EDA: variants seen among roughly 807,000 people sequenced by gnomAD.
The protein encoded by EDA is ectodysplasin A.
A neutral mutation model predicts 23.6 loss-of-function variants in EDA; 2 were observed. The ratio of observed to expected loss-of-function variants is 0.08; its 90% CI spans 0.03 to 0.27. The LOEUF (loss-of-function observed/expected upper bound fraction) is 0.27, where lower values mean the gene tolerates loss of function less well. Among genes scored for constraint, EDA ranks in the 10% least tolerant of loss-of-function variants. The probability of loss-of-function intolerance (pLI) is 1.00; values close to 1 mark genes in which losing one functional copy is unlikely to be tolerated. For synonymous variants in EDA, 131 were observed against 132.0 expected, an observed-to-expected ratio of 0.99 and a Z score of 0.05; for missense variants, 229 against 324.2, an observed-to-expected ratio of 0.71 and a Z score of 2.26.
intron 1 of EDA, among the ~76,000 whole-genome samples, chrX:69,793,564 G>GTTTTTTTTTTTTTTT (rs1362047098): frequency 3.0e-5 from 1 of 32,897 alleles, no homozygotes; most frequent in Non-Finnish European, 4.9e-5. Context: ...TTGTTTGTTT[G>GTTTTTTTTTTTTTTT]TTTTTGTTTT....
chrX:69,796,164 A>G (rs1215642180), intron 1 of EDA, among the ~76,000 whole-genome samples: 1 of 112,073 alleles, frequency 8.9e-6, no homozygotes, highest in Non-Finnish European at 1.9e-5. Context: ...TGCCACTGAC[A>G]TCGCCTAAGC....
intron 1 of EDA, among the ~76,000 whole-genome samples, chrX:69,677,544 CGTT>C (rs201820492): frequency 0.013 from 1,503 of 111,997 alleles, 20 homozygotes; most frequent in African/African-American, 0.044. Flanking sequence ...GATGGTATCT[CGTT>C]GTGGTTTTGA....
chrX:69,844,270 A>G (rs2016961167), intron 1 of EDA, among the ~76,000 whole-genome samples: 1 of 112,167 alleles, frequency 8.9e-6, no homozygotes, highest in Admixed American at 9.4e-5. Flanking sequence ...CCTTTGAAAG[A>G]CAGGCTCTGA....
intron 1 of EDA, among the ~76,000 whole-genome samples, chrX:69,712,996 A>G (rs185330516): frequency 2.0e-5 from 2 of 101,951 alleles, no homozygotes; most frequent in East Asian, 6.5e-4. Context: ...TCTCACTCAT[A>G]GGTGGGAATT....
chrX:69,699,945 A>G (rs2011486972), intron 1 of EDA, among the ~76,000 whole-genome samples: 2 of 110,754 alleles, frequency 1.8e-5, no homozygotes, highest in South Asian at 3.9e-4. Flanking sequence ...CGCTAGTCCT[A>G]GAAAAGAGAT....
At chrX:69,754,282 A>C (rs1466252411) in intron 1 of EDA, among the ~76,000 whole-genome samples, 2 of 111,000 alleles carry the variant, frequency 1.8e-5, no homozygotes, top group Non-Finnish European at 3.8e-5. Flanking sequence ...CAAAATCAGC[A>C]TTTGTTTGTC....
intron 1 of EDA, among the ~76,000 whole-genome samples, chrX:69,856,573 G>A (rs1448468761): frequency 9.0e-6 from 1 of 110,559 alleles, no homozygotes; most frequent in African/African-American, 3.3e-5. Context: ...GTAGTGAGGT[G>A]GTATCACCTG....
chrX:70,028,572 T>C (rs1462008239), intron 4 of EDA, among the ~76,000 whole-genome samples: 1 of 112,459 alleles, frequency 8.9e-6, no homozygotes, highest in Admixed American at 9.4e-5. Context: ...AGTTAGAAAC[T>C]TAAGAGTCAC....
chrX:69,929,297 G>A (rs966452756), intron 1 of EDA, among the ~76,000 whole-genome samples: 1 of 111,495 alleles, frequency 9.0e-6, no homozygotes, highest in East Asian at 2.8e-4. Context: ...ACCCCAGCAA[G>A]ATACTGTACA....
Position 69,890,181 on chromosome X carries a change from G to A in EDA, c.397-66846G>A, listed in dbSNP as rs758256223. 7.6e-4 allele frequency among the ~76,000 whole-genome samples: 84 copies of A among 110,734 alleles called. 1 individual carries two copies. Among genetic ancestry groups the A allele is most frequent in the African/African-American group, 2.7e-3 (82 of 30,481 alleles). ...ATTCAGCTAACAAGGGAAGTGAAGG[G>A]CCTATTCAAGGAACACTACAAACCA... On this transcript the variant is annotated intron_variant, in intron 1 of 7. Coordinates refer to ENST00000374552, the MANE Select transcript of EDA (RefSeq NM_001399.5).
chrX:69,788,626 A>G (rs1471207038), intron 1 of EDA, among the ~76,000 whole-genome samples: 1 of 112,340 alleles, frequency 8.9e-6, no homozygotes, highest in African/African-American at 3.2e-5. Context: ...TCAGGGAGCC[A>G]CTTGAGGAGG....
intron 1 of EDA, among the ~76,000 whole-genome samples, chrX:69,815,245 A>C (rs1257250758): frequency 8.9e-6 from 1 of 111,886 alleles, no homozygotes; most frequent in Non-Finnish European, 1.9e-5. Flanking sequence ...CAGATGTTCC[A>C]GAGGAGGAGA....
chrX:69,951,676 T>C (rs1407614562), intron 1 of EDA, among the ~76,000 whole-genome samples: 1 of 111,619 alleles, frequency 9.0e-6, no homozygotes, highest in Admixed American at 9.5e-5. Flanking sequence ...CAAATAATTT[T>C]GTGGGTTTAG....
chrX:69,678,153 A>T (rs1200015691), intron 1 of EDA, among the ~76,000 whole-genome samples: 1 of 110,831 alleles, frequency 9.0e-6, no homozygotes, highest in Non-Finnish European at 1.9e-5. Flanking sequence ...GTTATTCCTG[A>T]GGGCTCTGTT....
Position 69,766,561 on chromosome X carries a change from C to T in EDA, c.396+149857C>T, listed in dbSNP as rs769624055. ...TGTAGTATTTGGTTTTCTGCTCCTG[C>T]GTTAGTTTGCTAAGGATAATGGCTT... On this transcript the variant is annotated intron_variant, in intron 1 of 7. Transcript: ENST00000374552. 4.5e-5 allele frequency among the ~76,000 whole-genome samples: 5 copies of T among 111,679 alleles called. No homozygotes were observed. In the South Asian group the frequency reaches 1.5e-3, roughly 34 times the overall value.
chrX:69,741,955 T>C (rs769962641), intron 1 of EDA, among the ~76,000 whole-genome samples: 70 of 112,182 alleles, frequency 6.2e-4, no homozygotes, highest in Non-Finnish European at 2.6e-4. Context: ...TCTGTTCTTA[T>C]GGTCTTCCTG....
intron 2 of EDA, among the ~76,000 whole-genome samples, chrX:70,022,132 GA>G (rs1415629620): frequency 4.8e-5 from 5 of 104,985 alleles, no homozygotes; most frequent in South Asian, 8.4e-4. Flanking sequence ...TCCTAGAAGG[GA>G]AAAAAAAAAT....
intron 1 of EDA, among the ~76,000 whole-genome samples, chrX:69,903,344 T>C (rs1274336391): frequency 1.8e-5 from 2 of 111,261 alleles, no homozygotes; most frequent in African/African-American, 6.5e-5. Flanking sequence ...CTGGATGAGC[T>C]TGCATCTTTG....
chrX:70,005,143 G>A (rs1426090459), intron 2 of EDA, among the ~76,000 whole-genome samples: 1 of 111,790 alleles, frequency 8.9e-6, no homozygotes, highest in East Asian at 2.8e-4. Flanking sequence ...TGTATAACCA[G>A]AGAACAAATA....
Sources: allele counts gnomAD v4.1 joint callset (sites outside exome capture counted in the v4.1 genomes callset), GRCh38; gene constraint gnomAD v4.1.1; transcripts MANE v1.5; gene names NCBI Gene and HGNC (gene_info 2026-07-23, HGNC 2026-07-21).